The following PTER variants were observed in gnomAD, a reference collection of about 807,000 sequenced individuals.
PTER encodes N-acetyltaurine hydrolase.
A neutral mutation model predicts 29.6 loss-of-function variants in PTER; 38 were observed. The ratio of observed to expected loss-of-function variants is 1.28; its 90% CI spans 0.99 to 1.68. The LOEUF is 1.68. PTER is among the 40% of genes most tolerant of loss of function. The probability of loss-of-function intolerance (pLI) is 0.00; values close to 1 mark genes in which losing one functional copy is unlikely to be tolerated. For synonymous variants in PTER, 172 were observed against 154.5 expected (o/e 1.11, Z -0.84); for missense variants, 482 against 427.8 (o/e 1.13, Z -1.12).
At chr10:16,504,179 T>TCCAA (rs1233249897) in intron 3 of PTER, among the ~76,000 whole-genome samples, 15 of 152,260 alleles carry the variant, frequency 9.9e-5, no homozygotes, top group African/African-American at 3.6e-4. Flanking sequence ...TACAGTGGTA[T>TCCAA]TTTGGGGTTA....
At chr10:16,507,798 T>C (rs777535109) in intron 4 of PTER, among the ~76,000 whole-genome samples, 4 of 152,250 alleles carry the variant, frequency 2.6e-5, no homozygotes, top group Admixed American at 1.3e-4. Context: ...GATCAGTTAT[T>C]TGACAAGTAG....
chr10:16,514,090 A>G (rs2133535006), downstream of PTER: 1 of 381,946 alleles, frequency 2.6e-6, no homozygotes, highest in African/African-American at 2.1e-5. Flanking sequence ...CAGGGCAAAA[A>G]TCATTCTTCC....
At chr10:16,497,059 C>CT (rs1836136277) in intron 3 of PTER, among the ~76,000 whole-genome samples, 2 of 151,940 alleles carry the variant, frequency 1.3e-5, no homozygotes, top group African/African-American at 4.8e-5. Flanking sequence ...CTCAGCCTCC[C>CT]AAGTAGCTAG....
intron 4 of PTER, 67 bp from the exon 5 acceptor site, chr10:16,510,979 G>C: frequency 7.1e-7 from 1 of 1,403,592 alleles, no homozygotes; most frequent in Non-Finnish European, 9.9e-7. Flanking sequence ...TGAGTAAAAA[G>C]TTGAAAGCAT....
intron 1 of PTER, among the ~76,000 whole-genome samples, chr10:16,448,010 G>A (rs184828468): frequency 1.3e-3 from 191 of 152,276 alleles, no homozygotes; most frequent in Non-Finnish European, 2.5e-3. Context: ...CTGGTTGGAT[G>A]GGTCAGAAAG....
intron 1 of PTER, among the ~76,000 whole-genome samples, chr10:16,481,157 G>A (rs894004591): frequency 1.3e-5 from 2 of 152,234 alleles, no homozygotes; most frequent in African/African-American, 2.4e-5. Context: ...TTTGACCCAT[G>A]TGTTTGTAGC....
In PTER at chr10:16,484,808, G is replaced by C. The variant is rs1336404141; in HGVS notation, c.424G>C (p.Val142Leu). The C allele has an allele frequency of 6.3e-7, 1 of 1,593,730 alleles. No homozygotes were observed. Among genetic ancestry groups the C allele is most frequent in the Non-Finnish European group, 8.5e-7 (1 of 1,173,166 alleles). Residue 142 changes from valine to leucine, a missense_variant, in exon 2 of 5, where the codon GTG becomes CTG. Coordinates refer to ENST00000535784, the MANE Select transcript of PTER (RefSeq NM_001261836.2). ...CTCCTCAGAGACCAGGGCCATGTCA[G>C]TGGAGCAGGTAAAAAGCCTAAGTTC... ...THSSETRAMS[V>L]EQLTDVLMNE... is the part of the protein sequence containing the mutation.
intron 1 of PTER, among the ~76,000 whole-genome samples, chr10:16,463,914 C>G (rs958214590): frequency 1.3e-5 from 2 of 152,100 alleles, no homozygotes; most frequent in Middle Eastern, 3.2e-3. Flanking sequence ...AATAATAACC[C>G]CATTTCCTCA....
intron 1 of PTER, among the ~76,000 whole-genome samples, chr10:16,467,211 G>A (rs973660749): frequency 3.9e-5 from 6 of 152,272 alleles, no homozygotes; most frequent in African/African-American, 9.6e-5. Context: ...CCGCATTCAC[G>A]TAAGTTTTAT....
chr10:16,476,932 G>T (rs1225152931), intron 1 of PTER, among the ~76,000 whole-genome samples: 1 of 130,018 alleles, frequency 7.7e-6, no homozygotes, highest in Non-Finnish European at 1.5e-5. Flanking sequence ...TTGAGACAGG[G>T]TCTCACTCTG....
At chr10:16,476,127 A>C (rs746060548) in intron 1 of PTER, 2 of 152,204 alleles carry the variant, frequency 1.3e-5, no homozygotes, top group Non-Finnish European at 2.9e-5. Flanking sequence ...TCTGTTGCCC[A>C]GGCTGGAGTG....
rs547212015 is a variant in PTER at position 16,444,431 on chromosome 10, C to T, written c.-49+7384C>T. Among the ~76,000 whole-genome samples, 7 of 151,220 alleles carry T rather than the reference C, an allele frequency of 4.6e-5. No individual in the cohort carries two copies. In the East Asian group the frequency reaches 9.7e-4, roughly 21 times the overall value. The stretch of plus-strand genomic sequence containing the variant: ...ACAGGTGCTCAATACCTCAATACCA[C>T]GCCTGGTTTTTTTTTTTTGGACAGA... On this transcript the variant is annotated intron_variant, in intron 1 of 4. Transcript: ENST00000535784.
intron 3 of PTER, among the ~76,000 whole-genome samples, chr10:16,500,595 G>A (rs1202839330): frequency 6.6e-6 from 1 of 152,186 alleles, no homozygotes; most frequent in Non-Finnish European, 1.5e-5. Context: ...AATCTTATGG[G>A]ACAGTGTTAG....
chr10:16,506,215 G>A (rs1302564465), intron 4 of PTER, among the ~76,000 whole-genome samples: 1 of 152,140 alleles, frequency 6.6e-6, no homozygotes, highest in Non-Finnish European at 1.5e-5. Context: ...GAAAAGGCTT[G>A]AGAAATGGGT....
intron 1 of PTER, among the ~76,000 whole-genome samples, chr10:16,477,338 C>T (rs1835315424): frequency 2.1e-5 from 3 of 145,172 alleles, no homozygotes; most frequent in African/African-American, 8.4e-5. Flanking sequence ...GTAAAATACA[C>T]ATTTTATTTT....
At chr10:16,467,629 T>A (rs1310733470) in intron 1 of PTER, among the ~76,000 whole-genome samples, 2 of 152,092 alleles carry the variant, frequency 1.3e-5, no homozygotes, top group African/African-American at 4.8e-5. Context: ...CTGGCCTACA[T>A]GGTGAAACGC....
intron 1 of PTER, among the ~76,000 whole-genome samples, chr10:16,481,289 G>C (rs1835470851): frequency 6.6e-6 from 1 of 152,162 alleles, no homozygotes; most frequent in South Asian, 2.1e-4. Context: ...AGTCCTGTTT[G>C]CACCATTGGG....
chr10:16,469,023 G>A (rs1460925582), intron 1 of PTER, among the ~76,000 whole-genome samples: 1 of 151,980 alleles, frequency 6.6e-6, no homozygotes, highest in East Asian at 1.9e-4. Context: ...GCATTATTAA[G>A]GTGAAATTGA....
intron 3 of PTER, among the ~76,000 whole-genome samples, chr10:16,488,577 A>G (rs35454406): frequency 2.0e-4 from 30 of 148,524 alleles, no homozygotes; most frequent in Admixed American, 6.2e-4. Flanking sequence ...CTGCATTTCT[A>G]CTAATTTAAA....
Sources: gnomAD v4.1 joint callset for allele counts (sites outside exome capture counted in the v4.1 genomes callset) on GRCh38, gnomAD v4.1.1 for gene constraint, MANE v1.5 for transcripts, NCBI Gene and HGNC (gene_info 2026-07-23, HGNC 2026-07-21) for gene names.